PPFIA2: variants seen among roughly 807,000 people sequenced by gnomAD.
The protein encoded by PPFIA2 is PPFI scaffold protein A2, also known as liprin-alpha-2.
Under a neutral mutation model 175.5 loss-of-function variants are expected in PPFIA2, and 46 were observed. The ratio of observed to expected loss-of-function variants is 0.26; its 90% CI spans 0.21 to 0.34. The LOEUF (loss-of-function observed/expected upper bound fraction) is 0.34. PPFIA2 is among the 10% of genes least tolerant of loss of function. The pLI is 1.00. For missense variants in PPFIA2, 1,179 were observed against 1,506.1 expected, an observed-to-expected ratio of 0.78 and a Z score of 3.60; for synonymous variants, 568 against 511.4, an observed-to-expected ratio of 1.11 and a Z score of -1.49.
chr12:81,529,536 A>C (rs560652191), intron 4 of PPFIA2, among the ~76,000 whole-genome samples: 1 of 147,028 alleles, frequency 6.8e-6, no homozygotes, highest in African/African-American at 2.5e-5. Flanking sequence ...CACACACACA[A>C]AGAGTGGCGG....
At chr12:81,634,052 T>C (rs1269837483) in intron 4 of PPFIA2, among the ~76,000 whole-genome samples, 1 of 152,134 alleles carries the variant, frequency 6.6e-6, no homozygotes, top group Non-Finnish European at 1.5e-5. Context: ...AAATGTTACA[T>C]TAATTTTTTC....
At chr12:81,359,448 A>G (rs1470599802) in intron 15 of PPFIA2, among the ~76,000 whole-genome samples, 1 of 144,546 alleles carries the variant, frequency 6.9e-6, no homozygotes, top group Non-Finnish European at 1.5e-5. Context: ...AGTTACATTT[A>G]AAAAAAAAAA....
intron 4 of PPFIA2, among the ~76,000 whole-genome samples, chr12:81,562,128 T>TTA (rs1289546436): frequency 6.6e-6 from 1 of 152,174 alleles, no homozygotes; most frequent in Non-Finnish European, 1.5e-5. Context: ...AGATCTAGTT[T>TTA]TATAGGTCTG....
At chr12:81,700,559 T>C (rs191982088) in intron 3 of PPFIA2, among the ~76,000 whole-genome samples, 3 of 152,114 alleles carry the variant, frequency 2.0e-5, no homozygotes, top group African/African-American at 7.2e-5. Context: ...TTCCAAAGCA[T>C]ATGGTTCTGG....
chr12:81,712,731 TTTTTTTTTAAG>T (rs2078100790), intron 3 of PPFIA2, among the ~76,000 whole-genome samples: 1 of 151,078 alleles, frequency 6.6e-6, no homozygotes, highest in Non-Finnish European at 1.5e-5. Context: ...TAAAAGGATT[TTTTTTTTTAAG>T]TGGGACATCA....
chr12:81,368,930 T>G, intron 12 of PPFIA2, 74 bp from the exon 13 acceptor site: 1 of 1,487,322 alleles, frequency 6.7e-7, no homozygotes, highest in African/African-American at 1.4e-5. Context: ...TTGCTAGTTT[T>G]AAATTGAATT....
At chr12:81,350,943 C>T (rs1200383411) in intron 17 of PPFIA2, among the ~76,000 whole-genome samples, 1 of 151,874 alleles carries the variant, frequency 6.6e-6, no homozygotes, top group African/African-American at 2.4e-5. Context: ...ACCTGTTCAC[C>T]CATTGAAAAA....
At position 81,259,018 on chromosome 12, in the gene PPFIA2, A is replaced by G. The variant is rs537231222; in HGVS notation, c.*676T>C. On this transcript the variant is annotated 3_prime_UTR_variant, in exon 33 of 33. Coordinates refer to ENST00000549396, the MANE Select transcript of PPFIA2 (RefSeq NM_003625.5). The stretch of plus-strand genomic sequence containing the variant: ...ACAGTGCTATTTCTAAAGATATAGG[A>G]CATCCCTGATTGCCTTTAAAGCTCT... 6.3e-6 allele frequency: 1 copy of G among 159,256 alleles called. No individual in the cohort carries two copies. Among genetic ancestry groups the G allele is most frequent in the South Asian group, 1.8e-4 (1 of 5,486 alleles). The allele number at this position is 159,256 out of a possible 1,614,324, so 9.9% of individuals were successfully genotyped here. A position where few individuals can be genotyped will look rare whatever the true frequency, so the allele number is the denominator to read the frequency against.
chr12:81,343,435 G>A (rs1046483225), intron 19 of PPFIA2, among the ~76,000 whole-genome samples: 1 of 152,036 alleles, frequency 6.6e-6, no homozygotes, highest in Non-Finnish European at 1.5e-5. Flanking sequence ...AAGGAGAAGA[G>A]GCTATAGGTA....
intron 3 of PPFIA2, among the ~76,000 whole-genome samples, chr12:81,743,412 A>AT (rs2082591560): frequency 2.5e-5 from 1 of 40,274 alleles, no homozygotes; most frequent in Non-Finnish European, 5.3e-5. Context: ...ACTCCGTCTC[A>AT]AAAAAAAAAA....
At chr12:81,549,185 A>G (rs1481389776) in intron 4 of PPFIA2, among the ~76,000 whole-genome samples, 1 of 151,810 alleles carries the variant, frequency 6.6e-6, no homozygotes, top group Non-Finnish European at 1.5e-5. Context: ...TATTACTTTC[A>G]TTTATATACA....
rs543595734 is a variant in PPFIA2 at position 81,474,047 on chromosome 12, T to C, written c.304-16181A>G. 7.2e-4 allele frequency among the ~76,000 whole-genome samples: 110 copies of C among 152,350 alleles called. 1 individual carries two copies. In the South Asian group the frequency reaches 0.022, roughly 31 times the overall value. ...TTCAAGAGAAAGACTATATTTCAAG[T>C]AAGAACTCCAATCTTTTTTTAATAG... is the stretch of plus-strand genomic sequence containing the variant. On this transcript the variant is annotated intron_variant, in intron 4 of 32. Coordinates refer to ENST00000549396, the MANE Select transcript of PPFIA2 (RefSeq NM_003625.5).
chr12:81,745,809 C>G (rs1048775389), intron 3 of PPFIA2, among the ~76,000 whole-genome samples: 1 of 152,192 alleles, frequency 6.6e-6, no homozygotes, highest in Non-Finnish European at 1.5e-5. Context: ...ATTTTAGACT[C>G]TATATCCTTT....
At position 81,441,342 on chromosome 12, in the gene PPFIA2, C is replaced by T. The variant is rs1413404211; in HGVS notation, c.571-1296G>A. 4.0e-5 allele frequency among the ~76,000 whole-genome samples: 6 copies of T among 151,850 alleles called. No homozygotes were observed. The South Asian group carries it at 1.2e-3, about 32-fold the overall frequency. ...GATGCATTTAATTCCTGAAATAGAC[C>T]TTGAATCAGCAATAAAAATATCCAA... On this transcript the variant is annotated intron_variant, in intron 6 of 32. Transcript: ENST00000549396.
chr12:81,697,187 T>G (rs1033150838), intron 3 of PPFIA2, among the ~76,000 whole-genome samples: 1 of 152,082 alleles, frequency 6.6e-6, no homozygotes, highest in Non-Finnish European at 1.5e-5. Flanking sequence ...ATCTTTCCCA[T>G]TCTCTTTCAA....
At chr12:81,752,120 A>G (rs999198000) in intron 3 of PPFIA2, among the ~76,000 whole-genome samples, 2 of 152,198 alleles carry the variant, frequency 1.3e-5, no homozygotes, top group Non-Finnish European at 2.9e-5. Context: ...TGCAGCATCT[A>G]TGCAAGTCAA....
At chr12:81,345,210 T>C (rs2058844293) in intron 18 of PPFIA2, among the ~76,000 whole-genome samples, 1 of 152,086 alleles carries the variant, frequency 6.6e-6, no homozygotes, top group African/African-American at 2.4e-5. Flanking sequence ...TTCCCACAAA[T>C]GCCAAAAGCA....
chr12:81,625,072 T>C (rs1381438615), intron 4 of PPFIA2, among the ~76,000 whole-genome samples: 1 of 151,944 alleles, frequency 6.6e-6, no homozygotes, highest in East Asian at 1.9e-4. Context: ...GATTTTATTA[T>C]ATAAAGACTA....
At chr12:81,688,199 GT>G (rs1358954766) in intron 3 of PPFIA2, among the ~76,000 whole-genome samples, 1 of 151,760 alleles carries the variant, frequency 6.6e-6, no homozygotes, top group East Asian at 1.9e-4. Flanking sequence ...TAAAAACTAT[GT>G]ATTGGGTAAC....
Sources: gnomAD v4.1 joint callset for allele counts (sites outside exome capture counted in the v4.1 genomes callset) on GRCh38, gnomAD v4.1.1 for gene constraint, MANE v1.5 for transcripts, NCBI Gene and HGNC (gene_info 2026-07-23, HGNC 2026-07-21) for gene names.